Variants in TTC1 observed in about 807,000 individuals in gnomAD.
The protein encoded by TTC1 is tetratricopeptide repeat protein 1.
Under a neutral mutation model 37.6 loss-of-function variants are expected in TTC1, and 31 were observed. That is an observed-to-expected ratio of 0.82 (90% CI 0.62 to 1.11). The LOEUF (loss-of-function observed/expected upper bound fraction) is 1.11, where lower values mean the gene tolerates loss of function less well. Ranked by LOEUF, TTC1 falls within the 50% of genes most tolerant of loss-of-function variation. TTC1 has a pLI of 0.00. For missense variants in TTC1, 351 were observed against 339.0 expected, an observed-to-expected ratio of 1.04 and a Z score of -0.28; for synonymous variants, 127 against 122.4, an observed-to-expected ratio of 1.04 and a Z score of -0.25.
chr5:160,029,424 T>C (rs1756866186), intron 2 of TTC1, among the ~76,000 whole-genome samples: 1 of 150,244 alleles, frequency 6.7e-6, no homozygotes, highest in African/African-American at 2.5e-5. Flanking sequence ...GGAGGATCAC[T>C]TGAGCCCAGG....
Position 160,036,527 on chromosome 5 carries a change from A to G in TTC1, c.392-164A>G, listed in dbSNP as rs374472953. On this transcript the variant is annotated intron_variant, in intron 3 of 7. Coordinates refer to ENST00000231238, the MANE Select transcript of TTC1 (RefSeq NM_003314.3). The stretch of plus-strand genomic sequence containing the variant: ...CACTGTTCCTTTAAAGAGAGAAGAA[A>G]AGAAGAAATGATTTTTACTGCGCCA... The G allele has an allele frequency of 1.6e-4, 88 of 566,828 alleles. 1 individual carries two copies. The highest frequency in any genetic ancestry group is 1.3e-3 in the African/African-American group (69 of 53,118). The allele number at this position is 566,828 out of a possible 1,614,324, so 35.1% of individuals were successfully genotyped here.
At chr5:160,039,616 GAT>G (rs892340807) in intron 4 of TTC1, among the ~76,000 whole-genome samples, 1 of 151,998 alleles carries the variant, frequency 6.6e-6, no homozygotes, top group Non-Finnish European at 1.5e-5. Flanking sequence ...GGAGACAGTG[GAT>G]AAGATGCACT....
intron 2 of TTC1, among the ~76,000 whole-genome samples, chr5:160,033,484 A>G (rs77012002): frequency 0.081 from 12,386 of 152,234 alleles, 697 homozygotes; most frequent in Admixed American, 0.18. Flanking sequence ...TCTTTTCCAG[A>G]GAAAGAATGT....
chr5:160,038,618 A>G (rs1044694207), intron 4 of TTC1, among the ~76,000 whole-genome samples: 2 of 149,040 alleles, frequency 1.3e-5, no homozygotes, highest in Non-Finnish European at 3.0e-5. Context: ...TTCAAAGAAT[A>G]GTTTTGTTGG....
chr5:160,034,545 G>C (rs1211624521), intron 2 of TTC1, among the ~76,000 whole-genome samples: 5 of 152,130 alleles, frequency 3.3e-5, no homozygotes, highest in Non-Finnish European at 7.4e-5. Context: ...CACAAACCAT[G>C]AAGGGTTCTT....
At chr5:160,014,589 A>G in intron 2 of TTC1, among the ~76,000 whole-genome samples, 1 of 151,942 alleles carries the variant, frequency 6.6e-6, no homozygotes, top group East Asian at 1.9e-4. Context: ...CTGTAGCCCC[A>G]CCACTCAGGA....
chr5:160,037,673 C>T (rs1757018625), intron 4 of TTC1, among the ~76,000 whole-genome samples: 1 of 152,032 alleles, frequency 6.6e-6, no homozygotes, highest in African/African-American at 2.4e-5. Context: ...TGCACTCTGG[C>T]CTGGGCGACA....
chr5:160,019,140 A>G (rs1425118234), intron 2 of TTC1, among the ~76,000 whole-genome samples: 2 of 152,232 alleles, frequency 1.3e-5, no homozygotes, highest in Non-Finnish European at 2.9e-5. Context: ...TGGTTTGCAA[A>G]TGGTATTCAT....
intron 2 of TTC1, among the ~76,000 whole-genome samples, chr5:160,030,302 A>G (rs557359577): frequency 2.0e-5 from 3 of 152,282 alleles, no homozygotes; most frequent in South Asian, 4.1e-4. Context: ...AGGGATAAGC[A>G]TGGTAAGCTC....
At chr5:160,054,951 A>T (rs923560645) in intron 7 of TTC1, among the ~76,000 whole-genome samples, 14 of 152,124 alleles carry the variant, frequency 9.2e-5, no homozygotes, top group African/African-American at 2.7e-4. Flanking sequence ...CTTAGGACAA[A>T]CTCCCAGGGT....
In TTC1 at chr5:160,031,473, G is replaced by A. The variant is rs556325652; in HGVS notation, c.331-3667G>A. ...ACTAAAAATACAAAAAATTAGCCAG[G>A]TGTGGTGGTGCATGCCTGTAAACAC... On this transcript the variant is annotated intron_variant, in intron 2 of 7. Coordinates refer to ENST00000231238, the MANE Select transcript of TTC1 (RefSeq NM_003314.3). Among the ~76,000 whole-genome samples, 17 of 152,022 alleles carry A rather than the reference G, an allele frequency of 1.1e-4. No homozygotes were observed. The Middle Eastern group carries it at 0.01, about 92-fold the overall frequency.
chr5:160,020,791 G>T (rs1290825810), intron 2 of TTC1, among the ~76,000 whole-genome samples: 3 of 152,080 alleles, frequency 2.0e-5, no homozygotes, highest in Non-Finnish European at 2.9e-5. Context: ...AACAAGCTTA[G>T]GGCTCCCACT....
intron 3 of TTC1, 73 bp downstream of exon 3, chr5:160,035,273 C>A: frequency 7.9e-7 from 1 of 1,260,394 alleles, no homozygotes; most frequent in Non-Finnish European, 1.1e-6. Flanking sequence ...GTGAAGAAAC[C>A]CCAAAGAACA....
At chr5:160,060,005 G>T (rs1757656907) in intron 7 of TTC1, among the ~76,000 whole-genome samples, 1 of 152,222 alleles carries the variant, frequency 6.6e-6, no homozygotes, top group Non-Finnish European at 1.5e-5. Flanking sequence ...GCCTGTATAA[G>T]AATTTCAACT....
intron 7 of TTC1, among the ~76,000 whole-genome samples, chr5:160,058,482 C>T (rs1177085854): frequency 6.7e-6 from 1 of 148,352 alleles, no homozygotes; most frequent in African/African-American, 2.5e-5. Flanking sequence ...GCGATCTCGG[C>T]TCAGTGCAAG....
intron 7 of TTC1, among the ~76,000 whole-genome samples, chr5:160,061,023 C>A (rs980835268): frequency 3.3e-5 from 5 of 152,252 alleles, no homozygotes; most frequent in African/African-American, 1.2e-4. Context: ...GGATTACTAA[C>A]CCTGAAAACT....
chr5:160,023,255 C>CAA (rs113727015), intron 2 of TTC1, among the ~76,000 whole-genome samples: 1,767 of 109,972 alleles, frequency 0.016, 19 homozygotes, highest in Middle Eastern at 0.042. Flanking sequence ...AACACTGTCT[C>CAA]AAAAAAAAAA....
At chr5:160,042,268 T>C (rs548675708) in intron 4 of TTC1, among the ~76,000 whole-genome samples, 45 of 152,356 alleles carry the variant, frequency 3.0e-4, no homozygotes, top group African/African-American at 1.1e-3. Context: ...ACAGTTTGGC[T>C]GTCACTGCTG....
At chr5:160,052,243 C>T (rs1333564386) in intron 7 of TTC1, among the ~76,000 whole-genome samples, 4 of 152,150 alleles carry the variant, frequency 2.6e-5, no homozygotes, top group South Asian at 2.1e-4. Flanking sequence ...CACGGTGGCT[C>T]CTGTAATCCC....
Sources: allele counts gnomAD v4.1 joint callset (sites outside exome capture counted in the v4.1 genomes callset), GRCh38; gene constraint gnomAD v4.1.1; transcripts MANE v1.5; gene names NCBI Gene and HGNC (gene_info 2026-07-23, HGNC 2026-07-21).